Variants in NR5A2 observed in about 807,000 individuals in gnomAD.
NR5A2 encodes CYP7A promoter-binding factor.
Under a neutral mutation model 62.7 loss-of-function variants are expected in NR5A2, and 26 were observed. The ratio of observed to expected loss-of-function variants is 0.41; its 90% CI spans 0.30 to 0.58. The LOEUF is 0.58. Among genes scored for constraint, NR5A2 ranks in the 20% least tolerant of loss-of-function variants. NR5A2 has a pLI of 0.22. For synonymous variants in NR5A2, 246 were observed against 241.7 expected, an observed-to-expected ratio of 1.02 and a Z score of -0.16; for missense variants, 541 against 669.1, an observed-to-expected ratio of 0.81 and a Z score of 2.11.
chr1:200,087,183 C>T (rs1211663527), intron 5 of NR5A2, among the ~76,000 whole-genome samples: 1 of 151,910 alleles, frequency 6.6e-6, no homozygotes, highest in Admixed American at 6.6e-5. Context: ...CTTCCTCTTC[C>T]AATATTCATA....
intron 7 of NR5A2, among the ~76,000 whole-genome samples, chr1:200,130,300 GAAGAAGAAGAAGAAGAAGAAGA>G (rs1289701401): frequency 9.6e-4 from 71 of 73,806 alleles, no homozygotes; most frequent in African/African-American, 2.7e-3. Flanking sequence ...AGAAGAAGAA[GAAGAAGAAGAAGAAGAAGAAGA>G]AAAAAAAAAT....
chr1:200,134,957 C>T (rs1434359451), intron 7 of NR5A2, among the ~76,000 whole-genome samples: 2 of 152,210 alleles, frequency 1.3e-5, no homozygotes, highest in African/African-American at 4.8e-5. Context: ...ACCCACTGCT[C>T]AGCCCCTGCA....
At chr1:200,054,672 T>C (rs1198665712) in intron 5 of NR5A2, among the ~76,000 whole-genome samples, 1 of 152,218 alleles carries the variant, frequency 6.6e-6, no homozygotes, top group Non-Finnish European at 1.5e-5. Flanking sequence ...TGAAGTTGGT[T>C]TTTAAGTATA....
At chr1:200,170,054 G>A (rs1302709235) in intron 7 of NR5A2, among the ~76,000 whole-genome samples, 4 of 152,090 alleles carry the variant, frequency 2.6e-5, no homozygotes, top group Non-Finnish European at 4.4e-5. Flanking sequence ...TCAAAAACAT[G>A]TATTTCTGGG....
At chr1:200,029,110 C>G (rs748359576) in intron 1 of NR5A2, 15 of 443,464 alleles carry the variant, frequency 3.4e-5, no homozygotes, top group South Asian at 2.3e-4. Context: ...TCGGGCAGAA[C>G]CGCCGCGGTG....
At chr1:200,130,933 T>C (rs1436758712) in intron 7 of NR5A2, among the ~76,000 whole-genome samples, 1 of 152,238 alleles carries the variant, frequency 6.6e-6, no homozygotes, top group African/African-American at 2.4e-5. Context: ...TTAGCATTCA[T>C]TCTCAGTGTT....
intron 5 of NR5A2, among the ~76,000 whole-genome samples, chr1:200,086,363 G>T (rs185000047): frequency 6.6e-6 from 1 of 152,066 alleles, no homozygotes; most frequent in South Asian, 2.1e-4. Context: ...GAGTGCAGTG[G>T]CACAATCTCA....
At chr1:200,113,586 C>T (rs1666063490) in intron 6 of NR5A2, among the ~76,000 whole-genome samples, 1 of 152,256 alleles carries the variant, frequency 6.6e-6, no homozygotes, top group Non-Finnish European at 1.5e-5. Context: ...TCTTTTATAT[C>T]CTCACAGTAC....
intron 7 of NR5A2, among the ~76,000 whole-genome samples, chr1:200,144,101 C>T (rs922667875): frequency 2.0e-5 from 3 of 152,040 alleles, no homozygotes; most frequent in Non-Finnish European, 2.9e-5. Context: ...TGAGAATTCA[C>T]CACAATATTT....
chr1:200,108,412 C>T (rs1665792267), intron 5 of NR5A2, among the ~76,000 whole-genome samples: 1 of 152,118 alleles, frequency 6.6e-6, no homozygotes, highest in Admixed American at 6.6e-5. Context: ...CACCTTTTCT[C>T]CTTCTGTTCA....
intron 5 of NR5A2, among the ~76,000 whole-genome samples, chr1:200,051,411 C>T (rs958370150): frequency 3.9e-5 from 6 of 152,088 alleles, no homozygotes; most frequent in African/African-American, 1.4e-4. Context: ...CTTTATATAG[C>T]ATGAGGTTAA....
rs191364147 is a variant in NR5A2 at position 200,045,223 on chromosome 1, G to A, written c.322-220G>A. Among the ~76,000 whole-genome samples, 616 of 152,154 alleles carry A rather than the reference G, an allele frequency of 4.0e-3. 5 individuals are homozygous for A. The highest frequency in any genetic ancestry group is 5.0e-3 in the Non-Finnish European group (338 of 67,974). ...TAGCCAAATCTCCCCAGGATTTGAC[G>A]TAATTCTTCAAGAATAAAACTGATG... On this transcript the variant is annotated intron_variant, in intron 3 of 7. Coordinates refer to ENST00000367362, the MANE Select transcript of NR5A2 (RefSeq NM_205860.3).
chr1:200,053,032 G>C (rs1316926546), intron 5 of NR5A2, among the ~76,000 whole-genome samples: 1 of 152,198 alleles, frequency 6.6e-6, no homozygotes, highest in African/African-American at 2.4e-5. Context: ...GGGAACAGAA[G>C]GGCCAGGAAA....
At chr1:200,150,425 C>T (rs1274157957) in intron 7 of NR5A2, among the ~76,000 whole-genome samples, 1 of 152,170 alleles carries the variant, frequency 6.6e-6, no homozygotes, top group Non-Finnish European at 1.5e-5. Context: ...AACAGTAAGA[C>T]TCTGGATGAT....
intron 5 of NR5A2, among the ~76,000 whole-genome samples, chr1:200,063,196 G>T (rs1663307839): frequency 6.6e-6 from 1 of 150,466 alleles, no homozygotes; most frequent in South Asian, 2.1e-4. Flanking sequence ...GCTAATTTTT[G>T]TTTTTTTTTA....
chr1:200,074,129 A>T (rs900675176), intron 5 of NR5A2, among the ~76,000 whole-genome samples: 1 of 152,170 alleles, frequency 6.6e-6, no homozygotes, highest in Non-Finnish European at 1.5e-5. Context: ...TAAAAAGCAT[A>T]AAAAACAATA....
chr1:200,128,099 A>AT (rs1306157710), intron 7 of NR5A2, among the ~76,000 whole-genome samples: 1 of 152,024 alleles, frequency 6.6e-6, no homozygotes, highest in African/African-American at 2.4e-5. Flanking sequence ...ATCCCTCAGT[A>AT]TATGCAGGGA....
intron 5 of NR5A2, among the ~76,000 whole-genome samples, chr1:200,082,146 G>A (rs2821313): frequency 0.48 from 73,011 of 151,818 alleles, 17,581 homozygotes; most frequent in Middle Eastern, 0.52. Context: ...GGAAGAAGCA[G>A]TATCTATTTG....
chr1:200,122,558 C>T (rs1666525278), intron 7 of NR5A2, among the ~76,000 whole-genome samples: 1 of 152,140 alleles, frequency 6.6e-6, no homozygotes, highest in South Asian at 2.1e-4. Context: ...ATTATATTCT[C>T]TGCTAATACT....
Sources: allele counts gnomAD v4.1 joint callset (sites outside exome capture counted in the v4.1 genomes callset), GRCh38; gene constraint gnomAD v4.1.1; transcripts MANE v1.5; gene names NCBI Gene and HGNC (gene_info 2026-07-23, HGNC 2026-07-21).